The following FHIT variants were observed in gnomAD, a reference collection of about 807,000 sequenced individuals.
FHIT encodes the protein fragile histidine triad diadenosine triphosphatase, also known as bis(5'-adenosyl)-triphosphatase.
A neutral mutation model predicts 17.9 loss-of-function variants in FHIT; 19 were observed. That is an observed-to-expected ratio of 1.06 (90% CI 0.74 to 1.56). The LOEUF is 1.56. Ranked by LOEUF, FHIT falls within the 40% of genes most tolerant of loss-of-function variation. FHIT has a pLI of 0.00. For synonymous variants in FHIT, 81 were observed against 69.7 expected, an observed-to-expected ratio of 1.16 and a Z score of -0.81; for missense variants, 248 against 189.2, an observed-to-expected ratio of 1.31 and a Z score of -1.82.
In FHIT at chr3:61,152,134, T is replaced by A. The variant is rs2037412279; in HGVS notation, c.-164+48483A>T. Among the ~76,000 whole-genome samples, 4 of 152,210 alleles carry A rather than the reference T, an allele frequency of 2.6e-5. No individual in the cohort carries two copies. In the South Asian group the frequency reaches 8.3e-4, roughly 32 times the overall value. On this transcript the variant is annotated intron_variant, in intron 2 of 9. Transcript: ENST00000492590. ...AGTTAATCTGATAGGATTAAACAGT[T>A]GACTGGAATCTAATTTGGGGCAGAG...
chr3:60,315,577 G>A (rs1709128423), intron 5 of FHIT, among the ~76,000 whole-genome samples: 1 of 152,176 alleles, frequency 6.6e-6, no homozygotes, highest in Non-Finnish European at 1.5e-5. Context: ...AGCTTCTTCC[G>A]TTCAACATAC....
chr3:60,424,060 G>C (rs1216449908), intron 5 of FHIT, among the ~76,000 whole-genome samples: 1 of 152,116 alleles, frequency 6.6e-6, no homozygotes, highest in African/African-American at 2.4e-5. Flanking sequence ...TGTGTAGCAG[G>C]TCTTTATTCC....
chr3:60,050,278 C>A (rs1469789561), intron 5 of FHIT, among the ~76,000 whole-genome samples: 1 of 152,090 alleles, frequency 6.6e-6, no homozygotes, highest in Admixed American at 6.5e-5. Flanking sequence ...TCATTGAACA[C>A]AAATCTTTAA....
chr3:59,864,934 C>T (rs1490809762), intron 8 of FHIT, among the ~76,000 whole-genome samples: 1 of 151,996 alleles, frequency 6.6e-6, no homozygotes, highest in Admixed American at 6.6e-5. Flanking sequence ...TCAAGGCTGC[C>T]TCTCCTGAGG....
At chr3:59,947,897 T>A (rs1183934052) in intron 7 of FHIT, among the ~76,000 whole-genome samples, 1 of 152,206 alleles carries the variant, frequency 6.6e-6, no homozygotes, top group Admixed American at 6.5e-5. Context: ...ACTCCTATAT[T>A]ATCTGACCTT....
intron 5 of FHIT, among the ~76,000 whole-genome samples, chr3:60,225,396 G>C (rs548461551): frequency 9.2e-5 from 14 of 152,218 alleles, no homozygotes; most frequent in Non-Finnish European, 1.9e-4. Context: ...CCAAGTGCTG[G>C]AGGAAAGAAG....
intron 3 of FHIT, among the ~76,000 whole-genome samples, chr3:60,917,155 T>C (rs1162786540): frequency 6.6e-6 from 1 of 152,154 alleles, no homozygotes; most frequent in East Asian, 1.9e-4. Context: ...TTAACAGAAT[T>C]GTAAAATGAA....
intron 4 of FHIT, among the ~76,000 whole-genome samples, chr3:60,574,098 C>A (rs1185942118): frequency 6.6e-6 from 1 of 152,152 alleles, no homozygotes; most frequent in Non-Finnish European, 1.5e-5. Context: ...ACGGGAGCCA[C>A]CACGTCTGGT....
At chr3:60,418,824 A>T (rs1236246552) in intron 5 of FHIT, among the ~76,000 whole-genome samples, 1 of 152,030 alleles carries the variant, frequency 6.6e-6, no homozygotes, top group Non-Finnish European at 1.5e-5. Flanking sequence ...AAGTGGAAAA[A>T]ATCAAGCTGC....
intron 5 of FHIT, among the ~76,000 whole-genome samples, chr3:60,070,569 G>A (rs1260716849): frequency 6.6e-6 from 1 of 150,838 alleles, no homozygotes; most frequent in Non-Finnish European, 1.5e-5. Context: ...GGTAGATTAG[G>A]GAAGACAAAC....
At chr3:61,208,502 A>G (rs2039333169) in intron 1 of FHIT, among the ~76,000 whole-genome samples, 1 of 152,008 alleles carries the variant, frequency 6.6e-6, no homozygotes, top group Non-Finnish European at 1.5e-5. Flanking sequence ...GTGCTCCTGT[A>G]TTGGGTGCAT....
chr3:61,201,547 C>G (rs1425219822), intron 1 of FHIT, among the ~76,000 whole-genome samples: 1 of 151,606 alleles, frequency 6.6e-6, no homozygotes, highest in Non-Finnish European at 1.5e-5. Flanking sequence ...TTTTTTTTTC[C>G]TTCAATATCT....
At chr3:60,312,221 A>G (rs1269249272) in intron 5 of FHIT, among the ~76,000 whole-genome samples, 1 of 152,040 alleles carries the variant, frequency 6.6e-6, no homozygotes, top group Non-Finnish European at 1.5e-5. Flanking sequence ...CTATAACCTC[A>G]AACACCTGGG....
At chr3:60,888,682 G>A (rs1413595809) in intron 3 of FHIT, among the ~76,000 whole-genome samples, 1 of 152,146 alleles carries the variant, frequency 6.6e-6, no homozygotes, top group African/African-American at 2.4e-5. Context: ...ACACATTTAA[G>A]ATATTACTTG....
chr3:60,050,406 T>A (rs1390002849), intron 5 of FHIT, among the ~76,000 whole-genome samples: 1 of 152,194 alleles, frequency 6.6e-6, no homozygotes, highest in Non-Finnish European at 1.5e-5. Context: ...CTTCCATATT[T>A]GGATCTTCAG....
At chr3:59,860,171 T>C (rs1182617157) in intron 8 of FHIT, among the ~76,000 whole-genome samples, 5 of 152,076 alleles carry the variant, frequency 3.3e-5, no homozygotes, top group African/African-American at 4.8e-5. Context: ...AAGAAGAAAA[T>C]AGCATAAGTT....
intron 5 of FHIT, among the ~76,000 whole-genome samples, chr3:60,296,906 GC>G (rs1708236959): frequency 7.4e-6 from 1 of 135,174 alleles, no homozygotes; most frequent in African/African-American, 2.8e-5. Flanking sequence ...TAACTGAATT[GC>G]TTTTTTATTT....
chr3:59,957,344 C>G (rs960372841), intron 7 of FHIT, among the ~76,000 whole-genome samples: 20 of 152,236 alleles, frequency 1.3e-4, no homozygotes, highest in African/African-American at 4.8e-4. Flanking sequence ...AGGTGGCTAG[C>G]TGGATGCTCA....
Position 60,624,810 on chromosome 3 carries a change from C to CT in FHIT, c.-17-87832dup, listed in dbSNP as rs531789853. On this transcript the variant is annotated intron_variant, in intron 4 of 9. Coordinates refer to ENST00000492590, the MANE Select transcript of FHIT (RefSeq NM_002012.4). ...TGTAACATGTATCAGTACTTCATTC[C>CT]TTTTTTTTACAAGATGATATTGAAT... 1.9e-3 allele frequency among the ~76,000 whole-genome samples: 283 copies of CT among 151,576 alleles called. 1 individual carries two copies. Among genetic ancestry groups the CT allele is most frequent in the Admixed American group, 3.9e-3 (59 of 15,218 alleles).
Sources: allele counts gnomAD v4.1 joint callset (sites outside exome capture counted in the v4.1 genomes callset), GRCh38; gene constraint gnomAD v4.1.1; transcripts MANE v1.5; gene names NCBI Gene and HGNC (gene_info 2026-07-23, HGNC 2026-07-21).